The following LUC7L variants were observed in gnomAD, a reference collection of about 807,000 sequenced individuals.
LUC7L encodes the protein LUC7 like.
Under a neutral mutation model 51.1 loss-of-function variants are expected in LUC7L, and 29 were observed. That is an observed-to-expected ratio of 0.57 (90% confidence interval 0.42 to 0.77). The LOEUF (loss-of-function observed/expected upper bound fraction) is 0.77. LUC7L is among the 30% of genes least tolerant of loss of function. The pLI, the probability that LUC7L is intolerant of heterozygous loss-of-function variation, is 0.00. For synonymous variants in LUC7L, 181 were observed against 180.7 expected, an observed-to-expected ratio of 1.00 and a Z score of -0.01; for missense variants, 403 against 511.9, an observed-to-expected ratio of 0.79 and a Z score of 2.05.
chr16:218,393 G>A (rs1205311187), intron 3 of LUC7L, among the ~76,000 whole-genome samples: 1 of 152,082 alleles, frequency 6.6e-6, no homozygotes, highest in African/African-American at 2.4e-5. Flanking sequence ...GGTGATTAGG[G>A]ATTAAAAAAC....
chr16:197,010 C>A (rs1596606092), intron 6 of LUC7L, among the ~76,000 whole-genome samples: 1 of 150,190 alleles, frequency 6.7e-6, no homozygotes, highest in Admixed American at 6.7e-5. Flanking sequence ...CGGGTTGACA[C>A]CATTCTCCTG....
At chr16:220,463 ACT>A (rs1306671360) in intron 3 of LUC7L, 184 bp downstream of exon 3, 1 of 544,426 alleles carries the variant, frequency 1.8e-6, no homozygotes. Context: ...CATTTAGGAC[ACT>A]GACAGGACGC....
At chr16:194,012 C>G (rs1039254285) in intron 6 of LUC7L, among the ~76,000 whole-genome samples, 1 of 151,508 alleles carries the variant, frequency 6.6e-6, no homozygotes, top group African/African-American at 2.4e-5. Flanking sequence ...ACCATGTTAG[C>G]CAGGATGGTC....
intron 1 of LUC7L, chr16:228,842 G>C: frequency 1.5e-6 from 2 of 1,294,934 alleles, no homozygotes; most frequent in African/African-American, 1.5e-5. Context: ...AACCAGAGCG[G>C]GCCAGGTTTT....
intron 1 of LUC7L, chr16:228,905 G>C: frequency 7.4e-7 from 1 of 1,348,226 alleles, no homozygotes; most frequent in Non-Finnish European, 9.7e-7. Flanking sequence ...AGCCTCGGAA[G>C]AGTTCTGCCA....
chr16:228,119 G>T, intron 1 of LUC7L: 1 of 1,148,590 alleles, frequency 8.7e-7, no homozygotes, highest in Non-Finnish European at 1.1e-6. Context: ...AAGGTAAAGT[G>T]GTATGTGACA....
intron 2 of LUC7L, among the ~76,000 whole-genome samples, chr16:221,082 C>T (rs528764782): frequency 1.3e-5 from 2 of 151,890 alleles, no homozygotes; most frequent in Non-Finnish European, 2.9e-5. Flanking sequence ...TACAGTGGCG[C>T]GACCTCAGCT....
intron 3 of LUC7L, among the ~76,000 whole-genome samples, chr16:212,241 T>G (rs2049664932): frequency 6.6e-6 from 1 of 152,082 alleles, no homozygotes; most frequent in Non-Finnish European, 1.5e-5. Context: ...TGCAGTGAGC[T>G]GAGATCGTGC....
chr16:207,991 A>G, intron 4 of LUC7L, 87 bp downstream of exon 4: 1 of 866,092 alleles, frequency 1.2e-6, no homozygotes, highest in South Asian at 1.7e-5. Context: ...CCTGGGTGAC[A>G]GAGGGAGACT....
intron 2 of LUC7L, among the ~76,000 whole-genome samples, chr16:224,480 T>C (rs2050068437): frequency 6.9e-6 from 1 of 145,460 alleles, no homozygotes; most frequent in South Asian, 2.2e-4. Context: ...GATGGAGCCA[T>C]TACATTCCAG....
chr16:215,856 T>C lies in LUC7L; in HGVS notation c.255+4793A>G, dbSNP rs144406445. On this transcript the variant is annotated intron_variant, in intron 3 of 9. Transcript: ENST00000293872. Reference sequence around the variant, plus strand: ...ACAGATCACTCTCCCACAACACTGCTGCTCCACCACACCCAGCTAATTTTC... The same window carrying C: ...ACAGATCACTCTCCCACAACACTGCCGCTCCACCACACCCAGCTAATTTTC... 5.7e-3 allele frequency among the ~76,000 whole-genome samples: 863 copies of C among 152,150 alleles called. 9 individuals carry two copies. Among genetic ancestry groups the C allele is most frequent in the Non-Finnish European group, 9.7e-3 (659 of 67,988 alleles).
intron 3 of LUC7L, among the ~76,000 whole-genome samples, chr16:219,827 C>A (rs1032379293): frequency 6.6e-6 from 1 of 151,654 alleles, no homozygotes; most frequent in Non-Finnish European, 1.5e-5. Context: ...CAAGATCGCA[C>A]TACTGCTCTC....
At chr16:195,434 GA>G (rs111478679) in intron 6 of LUC7L, among the ~76,000 whole-genome samples, 6 of 144,958 alleles carry the variant, frequency 4.1e-5, no homozygotes, top group African/African-American at 1.5e-4. Context: ...CCCTGTCTCT[GA>G]AAAAAAAAAC....
At chr16:215,959 T>C (rs1297115900) in intron 3 of LUC7L, among the ~76,000 whole-genome samples, 1 of 151,352 alleles carries the variant, frequency 6.6e-6, no homozygotes, top group African/African-American at 2.4e-5. Context: ...CCTCCAAAAG[T>C]GACAGGATTA....
At chr16:196,464 G>A (rs1325312827) in intron 6 of LUC7L, among the ~76,000 whole-genome samples, 2 of 152,058 alleles carry the variant, frequency 1.3e-5, no homozygotes, top group African/African-American at 2.4e-5. Flanking sequence ...ACAAAATTCT[G>A]AGCTGTGAAA....
At chr16:210,151 G>C (rs1259868110) in intron 3 of LUC7L, among the ~76,000 whole-genome samples, 2 of 152,184 alleles carry the variant, frequency 1.3e-5, no homozygotes, top group East Asian at 3.9e-4. Context: ...GCCACGAGTG[G>C]TGGTGCATGC....
chr16:190,164 G>A (rs973105507), intron 8 of LUC7L, 29 bp from the exon 9 acceptor site: 1 of 1,587,892 alleles, frequency 6.3e-7, no homozygotes, highest in South Asian at 1.1e-5. Context: ...CCAAGGCTGA[G>A]ACTCTATAGG....
At chr16:199,331 G>T (rs1271898627) in intron 5 of LUC7L, 93 bp from the exon 6 acceptor site, 3 of 799,256 alleles carry the variant, frequency 3.8e-6, no homozygotes, top group African/African-American at 3.5e-5. Context: ...TAAGATGACA[G>T]AGGTGACTTT....
At chr16:225,520 C>G (rs1373303957) in intron 2 of LUC7L, among the ~76,000 whole-genome samples, 3 of 119,292 alleles carry the variant, frequency 2.5e-5, no homozygotes, top group African/African-American at 9.3e-5. Flanking sequence ...GAGTTTTGCT[C>G]TTGTTGCCCA....
Sources: allele counts gnomAD v4.1 joint callset (sites outside exome capture counted in the v4.1 genomes callset), GRCh38; gene constraint gnomAD v4.1.1; transcripts MANE v1.5; gene names NCBI Gene and HGNC (gene_info 2026-07-23, HGNC 2026-07-21).